Variants in RHAG observed in about 807,000 individuals in gnomAD.
RHAG encodes the protein ammonium transporter Rh type A.
RHAG carries 25 observed loss-of-function variants against 42.4 expected under a neutral mutation model. The observed-to-expected ratio is 0.59, with a 90% CI of 0.43 to 0.82. RHAG has a LOEUF of 0.82. RHAG is among the 40% of genes least tolerant of loss of function. The pLI, the probability that RHAG is intolerant of heterozygous loss-of-function variation, is 0.00. For synonymous variants in RHAG, 182 were observed against 177.7 expected, an observed-to-expected ratio of 1.02 and a Z score of -0.19; for missense variants, 483 against 504.6, an observed-to-expected ratio of 0.96 and a Z score of 0.41.
At chr6:49,632,179 T>C (rs756914479) in intron 1 of RHAG, 1 of 152,186 alleles carries the variant, frequency 6.6e-6, no homozygotes, top group Admixed American at 6.5e-5. Context: ...TACAAATATA[T>C]GTAAAGCACT....
chr6:49,636,505 A>C, intron 1 of RHAG, 151 bp downstream of exon 1: 1 of 831,608 alleles, frequency 1.2e-6, no homozygotes, highest in Non-Finnish European at 2.0e-6. Flanking sequence ...AGAAGACCAG[A>C]TGTCACATCA....
Position 49,610,969 on chromosome 6 carries a change from G to A in RHAG, c.1067+55C>T. The A allele has an allele frequency of 2.5e-6, 4 of 1,607,004 alleles. No individual in the cohort carries two copies. The South Asian group carries it at 3.3e-5, about 13-fold the overall frequency. ...AATGAAAACTCTCCCATTTCTCAGA[G>A]TGAGAGAAAACATCATGGGACCACA... On this transcript the variant is annotated intron_variant, in intron 7 of 9. Coordinates refer to ENST00000371175, the MANE Select transcript of RHAG (RefSeq NM_000324.3).
At chr6:49,607,053 A>G (rs1353767931) in intron 8 of RHAG, 97 bp downstream of exon 8, 2 of 1,279,978 alleles carry the variant, frequency 1.6e-6, no homozygotes, top group East Asian at 2.4e-5. Context: ...GAAGTTTAGA[A>G]CATTTTTGAA....
chr6:49,608,974 G>A (rs1375037545), intron 7 of RHAG, among the ~76,000 whole-genome samples: 2 of 152,054 alleles, frequency 1.3e-5, no homozygotes, highest in Non-Finnish European at 2.9e-5. Context: ...AGTGTTCTGT[G>A]ATCAAATAAA....
At chr6:49,634,842 T>C (rs969192252) in intron 1 of RHAG, among the ~76,000 whole-genome samples, 5 of 151,916 alleles carry the variant, frequency 3.3e-5, no homozygotes, top group African/African-American at 1.2e-4. Flanking sequence ...ATTATATACA[T>C]TTGAGGTATA....
At chr6:49,627,891 A>C (rs1762866118) in intron 1 of RHAG, among the ~76,000 whole-genome samples, 1 of 152,126 alleles carries the variant, frequency 6.6e-6, no homozygotes, top group Non-Finnish European at 1.5e-5. Flanking sequence ...CTCCCACGAC[A>C]TGTGGAAATT....
In RHAG at chr6:49,614,816, G is replaced by A. The variant is rs762702603; in HGVS notation, c.678C>T (p.Asn226=). 1.2e-5 allele frequency: 19 copies of A among 1,614,102 alleles called. No homozygotes were observed. The highest frequency in any genetic ancestry group is 1.6e-5 in the Non-Finnish European group (19 of 1,180,054). Residue 226 remains asparagine (N), a synonymous_variant, in exon 5 of 10, where the codon AAC becomes AAT. Coordinates refer to ENST00000371175, the MANE Select transcript of RHAG (RefSeq NM_000324.3). ...LFLWMFWPSF[N]SAIAEPGDKQ... ...TGTCTCCAGGTTCAGCAATGGCCGA[G>A]TTAAAGCTGGGCCAAAACATCCACA...
chr6:49,625,822 G>T (rs969723269), intron 1 of RHAG, among the ~76,000 whole-genome samples: 5 of 152,164 alleles, frequency 3.3e-5, no homozygotes, highest in Non-Finnish European at 5.9e-5. Flanking sequence ...TTGACTCACA[G>T]TTCCACAAGG....
intron 1 of RHAG, among the ~76,000 whole-genome samples, chr6:49,629,693 A>G (rs4495269): frequency 0.23 from 34,303 of 152,174 alleles, 4,216 homozygotes; most frequent in African/African-American, 0.32. Context: ...GCCCTGCCCC[A>G]CGGGAAGGCA....
At chr6:49,621,570 G>A (rs535208591) in intron 1 of RHAG, among the ~76,000 whole-genome samples, 1 of 152,232 alleles carries the variant, frequency 6.6e-6, no homozygotes, top group South Asian at 2.1e-4. Flanking sequence ...TCGCTGATGG[G>A]CATTTGTCAA....
chr6:49,619,401 A>C (rs1160094657), intron 1 of RHAG, 39 bp from the exon 2 acceptor site: 1 of 1,569,724 alleles, frequency 6.4e-7, no homozygotes, highest in South Asian at 1.1e-5. Context: ...GCATTATGAG[A>C]GCATGAAGAA....
At chr6:49,629,035 G>A (rs1310401422) in intron 1 of RHAG, among the ~76,000 whole-genome samples, 1 of 152,172 alleles carries the variant, frequency 6.6e-6, no homozygotes, top group African/African-American at 2.4e-5. Flanking sequence ...ACAGGGTGCT[G>A]ATTGGTGCAT....
chr6:49,607,061 G>T, intron 8 of RHAG, 89 bp downstream of exon 8: 1 of 1,312,232 alleles, frequency 7.6e-7, no homozygotes. Context: ...GAACATTTTT[G>T]AATTTAGCAA....
intron 2 of RHAG, 142 bp from the exon 3 acceptor site, chr6:49,618,360 T>G: frequency 1.2e-6 from 1 of 814,218 alleles, no homozygotes; most frequent in Admixed American, 2.0e-5. Context: ...CTCCTCTTTT[T>G]GACCAGACAC....
chr6:49,630,832 G>C (rs1410888405), intron 1 of RHAG, among the ~76,000 whole-genome samples: 1 of 152,116 alleles, frequency 6.6e-6, no homozygotes, highest in Non-Finnish European at 1.5e-5. Flanking sequence ...ATTATATTCA[G>C]ATTACTCCAA....
At chr6:49,612,046 G>C (rs146297015) in intron 6 of RHAG, among the ~76,000 whole-genome samples, 15 of 152,122 alleles carry the variant, frequency 9.9e-5, no homozygotes, top group African/African-American at 3.4e-4. Context: ...ACCATGCTTG[G>C]CCGACATCCT....
At position 49,630,708 on chromosome 6, in the gene RHAG, T is replaced by G. The variant is rs568503866; in HGVS notation, c.157+5948A>C. Among the ~76,000 whole-genome samples, 31 of 152,064 alleles carry G rather than the reference T, an allele frequency of 2.0e-4. 2 individuals are homozygous for G. The South Asian group carries it at 4.6e-3, about 22-fold the overall frequency. ...ATATTTTCACACTTGCTTTCTGTGT[T>G]TGTGTGTGTGTGTACATCTCCTAAG... On this transcript the variant is annotated intron_variant, in intron 1 of 9. Coordinates refer to ENST00000371175, the MANE Select transcript of RHAG (RefSeq NM_000324.3).
intron 1 of RHAG, among the ~76,000 whole-genome samples, chr6:49,629,888 C>G (rs1372934729): frequency 6.6e-6 from 1 of 152,214 alleles, no homozygotes; most frequent in Non-Finnish European, 1.5e-5. Flanking sequence ...CCAGCTGGCC[C>G]GCAAGAGCCG....
At chr6:49,609,134 T>C (rs1364082237) in intron 7 of RHAG, among the ~76,000 whole-genome samples, 1 of 152,232 alleles carries the variant, frequency 6.6e-6, no homozygotes, top group Non-Finnish European at 1.5e-5. Context: ...AATAGACACA[T>C]GTAAGTAGTT....
Sources: allele counts gnomAD v4.1 joint callset (sites outside exome capture counted in the v4.1 genomes callset), GRCh38; gene constraint gnomAD v4.1.1; transcripts MANE v1.5; gene names NCBI Gene and HGNC (gene_info 2026-07-23, HGNC 2026-07-21).